The following CDYL variants were observed in gnomAD, a reference collection of about 807,000 sequenced individuals.
The protein encoded by CDYL is chromodomain Y like.
In CDYL, 8 loss-of-function variants were observed where a neutral mutation model predicts 47.3. That is an observed-to-expected ratio of 0.17 (90% CI 0.10 to 0.31). CDYL has a LOEUF of 0.31. CDYL is among the 10% of genes least tolerant of loss of function. The pLI is 1.00. For synonymous variants in CDYL, 266 were observed against 265.0 expected, an observed-to-expected ratio of 1.00 and a Z score of -0.04; for missense variants, 471 against 701.4, an observed-to-expected ratio of 0.67 and a Z score of 3.71.
At chr6:4,907,707 A>G (rs565199114) in intron 2 of CDYL, among the ~76,000 whole-genome samples, 3 of 152,208 alleles carry the variant, frequency 2.0e-5, no homozygotes, top group Admixed American at 1.3e-4. Flanking sequence ...CGGATGCTCA[A>G]AACTGATCGC....
intron 5 of CDYL, among the ~76,000 whole-genome samples, chr6:4,951,993 G>A (rs1758718502): frequency 6.6e-6 from 1 of 152,104 alleles, no homozygotes; most frequent in Admixed American, 6.5e-5. Context: ...TCTTTATTGA[G>A]TCCCTGTAAT....
At chr6:4,921,156 A>T (rs1398875919) in intron 2 of CDYL, among the ~76,000 whole-genome samples, 1 of 152,194 alleles carries the variant, frequency 6.6e-6, no homozygotes, top group East Asian at 1.9e-4. Context: ...AGATAGATAA[A>T]TAGGACAGAG....
At chr6:4,891,351 C>A (rs1312647211) in intron 1 of CDYL, among the ~76,000 whole-genome samples, 1 of 152,164 alleles carries the variant, frequency 6.6e-6, no homozygotes, top group East Asian at 1.9e-4. Context: ...CTGCTGGAAC[C>A]CTGGGATGAC....
At chr6:4,741,867 G>T (rs981592354) in intron 3 of CDYL, among the ~76,000 whole-genome samples, 17 of 152,168 alleles carry the variant, frequency 1.1e-4, no homozygotes, top group Non-Finnish European at 1.3e-4. Flanking sequence ...CTGCCCCTGT[G>T]TAGACCTAGG....
chr6:4,797,516 T>A lies in CDYL; in HGVS notation c.24+20709T>A, dbSNP rs1308326288. 3.3e-5 allele frequency among the ~76,000 whole-genome samples: 5 copies of A among 152,150 alleles called. No individual in the cohort carries two copies. In the East Asian group the frequency reaches 9.6e-4, roughly 29 times the overall value. On this transcript the variant is annotated intron_variant, in intron 1 of 6. Transcript: ENST00000397588. ...ACTGGTTTTTAGTGTATTCACAAAGTTGTACAGCCGCCGCCACCACTATCT... is the reference window on the plus strand; with the variant it reads ...ACTGGTTTTTAGTGTATTCACAAAGATGTACAGCCGCCGCCACCACTATCT...
In CDYL at chr6:4,864,702, C is replaced by T. The variant is rs1031064900; in HGVS notation, c.25-27011C>T. Among the ~76,000 whole-genome samples the T allele has an allele frequency of 3.3e-5, 5 of 152,138 alleles. No individual in the cohort carries two copies. In the East Asian group the frequency reaches 5.8e-4, roughly 18 times the overall value. ...TCATGGGTTTCTGCTTTTGCTGCTT[C>T]CTCATTTTTCTGTTGCTGTCATCAC... On this transcript the variant is annotated intron_variant, in intron 1 of 6. Transcript: ENST00000397588.
chr6:4,937,293 A>C (rs565857587), intron 3 of CDYL, among the ~76,000 whole-genome samples: 1 of 152,302 alleles, frequency 6.6e-6, no homozygotes, highest in Non-Finnish European at 1.5e-5. Context: ...CAGGAGTTCA[A>C]GACCACCCTA....
intron 2 of CDYL, among the ~76,000 whole-genome samples, chr6:4,925,166 C>G (rs1020734655): frequency 6.6e-6 from 1 of 152,168 alleles, no homozygotes; most frequent in Non-Finnish European, 1.5e-5. Flanking sequence ...TGCGGTTGTG[C>G]ATTCACTGAC....
intron 3 of CDYL, among the ~76,000 whole-genome samples, chr6:4,741,568 A>C (rs928862351): frequency 3.3e-5 from 5 of 152,134 alleles, no homozygotes; most frequent in African/African-American, 1.2e-4. Flanking sequence ...TTCTAAGTTC[A>C]AATCAGCAGG....
chr6:4,952,558 C>T (rs576970183), intron 6 of CDYL, 149 bp downstream of exon 6: 18 of 793,140 alleles, frequency 2.3e-5, no homozygotes, highest in African/African-American at 3.6e-5. Context: ...AACCTATTGC[C>T]GCCACTGCCC....
intron 3 of CDYL, among the ~76,000 whole-genome samples, chr6:4,769,676 G>A (rs923264747): frequency 2.0e-5 from 3 of 152,100 alleles, no homozygotes; most frequent in South Asian, 2.1e-4. Context: ...GTGTGCCCAC[G>A]GGGTGCTGGG....
intron 1 of CDYL, among the ~76,000 whole-genome samples, chr6:4,808,262 C>G (rs888730541): frequency 6.6e-6 from 1 of 152,180 alleles, no homozygotes; most frequent in Admixed American, 6.5e-5. Context: ...GTATCTTAGC[C>G]CACACAAACC....
chr6:4,748,641 G>C (rs926217277), intron 3 of CDYL, among the ~76,000 whole-genome samples: 19 of 128,766 alleles, frequency 1.5e-4, no homozygotes, highest in East Asian at 5.1e-4. Context: ...GTTGGATGGA[G>C]AGACTGATGG....
At chr6:4,788,085 T>C (rs1237560472) in intron 1 of CDYL, among the ~76,000 whole-genome samples, 1 of 152,074 alleles carries the variant, frequency 6.6e-6, no homozygotes, top group Non-Finnish European at 1.5e-5. Flanking sequence ...ATTCGAGTCT[T>C]ATAGTCATAA....
At chr6:4,948,065 T>A (rs572423037) in intron 5 of CDYL, among the ~76,000 whole-genome samples, 1 of 152,280 alleles carries the variant, frequency 6.6e-6, no homozygotes, top group African/African-American at 2.4e-5. Context: ...AATCAGTTCA[T>A]CGTAGTGATT....
intron 2 of CDYL, among the ~76,000 whole-genome samples, chr6:4,920,764 C>T (rs758962155): frequency 1.1e-4 from 16 of 152,108 alleles, no homozygotes; most frequent in Non-Finnish European, 8.8e-5. Flanking sequence ...TACAGTCACG[C>T]GCCACCACAT....
chr6:4,755,665 A>G (rs952265916), intron 3 of CDYL, among the ~76,000 whole-genome samples: 3 of 152,206 alleles, frequency 2.0e-5, no homozygotes, highest in African/African-American at 7.2e-5. Flanking sequence ...ACTTTTATCA[A>G]TTATATACTA....
At chr6:4,721,808 G>T (rs148919182) in intron 2 of CDYL, among the ~76,000 whole-genome samples, 180 of 152,042 alleles carry the variant, frequency 1.2e-3, no homozygotes, top group African/African-American at 4.0e-3. Flanking sequence ...CACTTCACAG[G>T]AATTTACCTG....
intron 6 of CDYL, 126 bp downstream of exon 6, chr6:4,952,535 G>T: frequency 9.4e-7 from 1 of 1,058,984 alleles, no homozygotes; most frequent in Middle Eastern, 3.0e-4. Flanking sequence ...ACCTTCCCGT[G>T]AAGTCCTGCC....
Sources: gnomAD v4.1 joint callset for allele counts (sites outside exome capture counted in the v4.1 genomes callset) on GRCh38, gnomAD v4.1.1 for gene constraint, MANE v1.5 for transcripts, NCBI Gene and HGNC (gene_info 2026-07-23, HGNC 2026-07-21) for gene names.